Variants in KIAA0930 observed in about 807,000 individuals in gnomAD.
The protein encoded by KIAA0930 is uncharacterized protein KIAA0930.
In KIAA0930, 24 loss-of-function variants were observed where a neutral mutation model predicts 43.9. That is an observed-to-expected ratio of 0.55 (90% CI 0.40 to 0.77). The LOEUF (loss-of-function observed/expected upper bound fraction) is 0.77, where lower values mean the gene tolerates loss of function less well. Ranked by LOEUF, KIAA0930 falls within the 30% of genes least tolerant of loss-of-function variation. The probability of loss-of-function intolerance (pLI) is 0.00; values close to 1 mark genes in which losing one functional copy is unlikely to be tolerated. For missense variants in KIAA0930, 461 were observed against 574.2 expected (o/e 0.80, Z 2.02); for synonymous variants, 259 against 216.4 (o/e 1.20, Z -1.73).
intron 5 of KIAA0930, among the ~76,000 whole-genome samples, chr22:45,204,968 C>T (rs1321778650): frequency 1.3e-5 from 2 of 152,124 alleles, no homozygotes; most frequent in Admixed American, 1.3e-4. Flanking sequence ...GTCTTCAGCC[C>T]TGACAGTAAG....
chr22:45,200,311 T>A, intron 7 of KIAA0930: 1 of 398,600 alleles, frequency 2.5e-6, no homozygotes, highest in Admixed American at 4.3e-5. Context: ...CCCCCTCCTC[T>A]GGGCCTCAAA....
intron 1 of KIAA0930, among the ~76,000 whole-genome samples, chr22:45,219,573 G>A (rs1238438050): frequency 7.1e-6 from 1 of 139,982 alleles, no homozygotes; most frequent in Non-Finnish European, 1.5e-5. Flanking sequence ...AGCAGGCCAA[G>A]AGGTGATTGT....
chr22:45,240,341 A>G (rs1221132524), intron 1 of KIAA0930, among the ~76,000 whole-genome samples: 1 of 152,222 alleles, frequency 6.6e-6, no homozygotes, highest in East Asian at 1.9e-4. Context: ...CCGCAGAGAC[A>G]CGAAGAAGAA....
At position 45,222,092 on chromosome 22, in the gene KIAA0930, T is replaced by C. The variant is rs150212199; in HGVS notation, c.65-9985A>G. ...TAGGATGTAGATTATTCTTCCACAA[T>C]TGGTCTTGGTACAAGTGGCTTGCTG... On this transcript the variant is annotated intron_variant, in intron 1 of 9. Transcript: ENST00000336156. Among the ~76,000 whole-genome samples, 163 of 152,266 alleles carry C rather than the reference T, an allele frequency of 1.1e-3. 1 individual carries two copies. The highest frequency in any genetic ancestry group is 3.7e-3 in the African/African-American group (154 of 41,558).
intron 2 of KIAA0930, among the ~76,000 whole-genome samples, chr22:45,208,804 T>C (rs1400772823): frequency 6.6e-6 from 1 of 152,228 alleles, no homozygotes. Flanking sequence ...TGGCAAACTG[T>C]GTGACCCCAG....
chr22:45,222,643 ACCCCCG>A (rs2083774259), intron 1 of KIAA0930, among the ~76,000 whole-genome samples: 7 of 148,018 alleles, frequency 4.7e-5, no homozygotes, highest in Non-Finnish European at 1.0e-4. Flanking sequence ...AAAAAAAACC[ACCCCCG>A]CCCCCCCACC....
intron 1 of KIAA0930, chr22:45,236,366 G>A (rs962689392): frequency 6.6e-6 from 1 of 152,318 alleles, no homozygotes; most frequent in Non-Finnish European, 1.5e-5. Context: ...CTGAGCCAGG[G>A]ATTACTCCAG....
intron 1 of KIAA0930, among the ~76,000 whole-genome samples, chr22:45,219,178 A>G (rs191550830): frequency 6.6e-6 from 1 of 151,930 alleles, no homozygotes; most frequent in Non-Finnish European, 1.5e-5. Flanking sequence ...AAGTGACTGA[A>G]CCTCTCAGAC....
At chr22:45,200,299 A>C (rs2083576213) in intron 7 of KIAA0930, 1 of 405,994 alleles carries the variant, frequency 2.5e-6, no homozygotes, top group Non-Finnish European at 4.4e-6. Context: ...TGGCAGAAAG[A>C]CCCCCCTCCT....
intron 7 of KIAA0930, among the ~76,000 whole-genome samples, chr22:45,201,745 TC>T (rs1028163707): frequency 6.6e-6 from 1 of 150,662 alleles, no homozygotes; most frequent in Non-Finnish European, 1.5e-5. Flanking sequence ...AGAAGATACC[TC>T]CCCCCCAAAA....
At chr22:45,225,436 T>C (rs566000739) in intron 1 of KIAA0930, among the ~76,000 whole-genome samples, 91 of 152,264 alleles carry the variant, frequency 6.0e-4, no homozygotes, top group African/African-American at 2.2e-3. Context: ...GTTTCACATC[T>C]TCCTTTGGAA....
intron 1 of KIAA0930, among the ~76,000 whole-genome samples, chr22:45,234,396 G>A (rs958569515): frequency 1.3e-5 from 2 of 152,228 alleles, no homozygotes; most frequent in African/African-American, 4.8e-5. Context: ...GACTGGCAAG[G>A]CATGGGCCCA....
intron 2 of KIAA0930, among the ~76,000 whole-genome samples, chr22:45,208,370 G>A (rs13058331): frequency 0.037 from 3,575 of 96,084 alleles, 98 homozygotes; most frequent in Non-Finnish European, 0.05. Context: ...GACTCCACAT[G>A]CACGAGCTGT....
chr22:45,207,825 TC>T (rs2083652353), intron 2 of KIAA0930: 3 of 169,600 alleles, frequency 1.8e-5, no homozygotes, highest in South Asian at 4.1e-4. Flanking sequence ...GAAACAGACG[TC>T]CCCGGGTCGG....
chr22:45,225,574 G>T (rs2083794054), intron 1 of KIAA0930, among the ~76,000 whole-genome samples: 1 of 152,206 alleles, frequency 6.6e-6, no homozygotes, highest in Non-Finnish European at 1.5e-5. Flanking sequence ...TCCCCCTGGA[G>T]AGCCTTGCTC....
At position 45,196,134 on chromosome 22, in the gene KIAA0930, G is replaced by C. The variant is rs1016478295; in HGVS notation, c.*1042C>G. Reference sequence around the variant, plus strand: ...TGCAGATGGAAACGCCTTCATGCTGGACCAGGCCGAGGGCAGGCCTGGGGC... The same window carrying C: ...TGCAGATGGAAACGCCTTCATGCTGCACCAGGCCGAGGGCAGGCCTGGGGC... On this transcript the variant is annotated 3_prime_UTR_variant, in exon 10 of 10. Transcript: ENST00000336156. This position sits in a 1 kb window ranked among gnomAD's most constrained non-coding sequence, Gnocchi z 4.1. The C allele has an allele frequency of 6.6e-6, 1 of 152,228 alleles. No homozygotes were observed. Among genetic ancestry groups the C allele is most frequent in the Non-Finnish European group, 1.5e-5 (1 of 68,084 alleles). 9.4% of individuals were successfully genotyped at this position (152,228 alleles called of 1,614,324 possible).
chr22:45,219,373 G>A (rs1055600501), intron 1 of KIAA0930, among the ~76,000 whole-genome samples: 9 of 152,010 alleles, frequency 5.9e-5, no homozygotes, highest in African/African-American at 1.7e-4. Flanking sequence ...GAATAATCGC[G>A]AATTACTTTA....
intron 1 of KIAA0930, among the ~76,000 whole-genome samples, chr22:45,234,074 G>A (rs969547306): frequency 3.3e-5 from 5 of 152,200 alleles, no homozygotes; most frequent in African/African-American, 1.2e-4. Context: ...GGGAGAGGCT[G>A]GTTGAATTCT....
chr22:45,218,333 ATTT>A (rs752298111), intron 1 of KIAA0930, among the ~76,000 whole-genome samples: 2,136 of 51,600 alleles, frequency 0.041, 70 homozygotes, highest in African/African-American at 0.14. Flanking sequence ...AATTTTTTTG[ATTT>A]TTTTTTTTTT....
Sources: allele counts gnomAD v4.1 joint callset (sites outside exome capture counted in the v4.1 genomes callset), GRCh38; gene constraint gnomAD v4.1.1; non-coding constraint Gnocchi (gnomAD v3.1); transcripts MANE v1.5; gene names NCBI Gene and HGNC (gene_info 2026-07-23, HGNC 2026-07-21).